CLTCL1: variants seen among roughly 807,000 people sequenced by gnomAD.
CLTCL1 encodes the protein clathrin heavy chain like 1.
In CLTCL1, 159 loss-of-function variants were observed where a neutral mutation model predicts 190.0. The observed-to-expected ratio is 0.84, with a 90% confidence interval of 0.74 to 0.95. CLTCL1 has a LOEUF of 0.95. CLTCL1 is among the 40% of genes least tolerant of loss of function. The probability of loss-of-function intolerance (pLI) is 0.00; values close to 1 mark genes in which losing one functional copy is unlikely to be tolerated. For missense variants in CLTCL1, 1,878 were observed against 2,033.4 expected (o/e 0.92, Z 1.47); for synonymous variants, 752 against 769.6 (o/e 0.98, Z 0.38).
chr22:19,221,340 A>C, intron 17 of CLTCL1, 37 bp downstream of exon 17: 1 of 1,483,298 alleles, frequency 6.7e-7, no homozygotes, highest in Non-Finnish European at 9.1e-7. Context: ...CTGGGAGCCC[A>C]GGGTTACATG....
At chr22:19,227,800 G>A in intron 11 of CLTCL1, among the ~76,000 whole-genome samples, 1 of 152,136 alleles carries the variant, frequency 6.6e-6, no homozygotes, top group Non-Finnish European at 1.5e-5. Flanking sequence ...GTTTGGCCGT[G>A]TTGTCCATGC....
intron 30 of CLTCL1, 71 bp from the exon 31 acceptor site, chr22:19,180,877 T>G (rs1555925555): frequency 1.4e-6 from 2 of 1,398,832 alleles, no homozygotes. Flanking sequence ...GAAAGTGGAG[T>G]GGAAGGTCAG....
intron 1 of CLTCL1, among the ~76,000 whole-genome samples, chr22:19,284,236 T>C (rs2087823283): frequency 6.6e-6 from 1 of 152,210 alleles, no homozygotes; most frequent in South Asian, 2.1e-4. Context: ...TATTTTTTCT[T>C]TCTGTATCTG....
At chr22:19,208,556 G>A (rs2085120941) in intron 21 of CLTCL1, among the ~76,000 whole-genome samples, 1 of 152,096 alleles carries the variant, frequency 6.6e-6, no homozygotes. Flanking sequence ...ACTTTGCCAG[G>A]AGACAGAATG....
At chr22:19,285,211 G>T (rs1159540470) in intron 1 of CLTCL1, among the ~76,000 whole-genome samples, 1 of 151,968 alleles carries the variant, frequency 6.6e-6, no homozygotes, top group East Asian at 1.9e-4. Flanking sequence ...GGAGGCAGAG[G>T]TTGCAGTGAG....
At chr22:19,258,976 A>C (rs1255285654) in intron 2 of CLTCL1, among the ~76,000 whole-genome samples, 3 of 152,234 alleles carry the variant, frequency 2.0e-5, no homozygotes, top group African/African-American at 7.2e-5. Context: ...TAAAAGAAAA[A>C]AAATGAATTG....
In CLTCL1 at chr22:19,275,837, A is replaced by G. The variant is rs781869805; in HGVS notation, c.43-7T>C. On this transcript the variant is annotated splice_polypyrimidine_tract_variant and splice_region_variant and intron_variant, in intron 1 of 32. Transcript: ENST00000427926. ...TAATTCCAAGGTTTTGGAGCTAAAC[A>G]GAAAAAAAGCATTTGATTAAATTTT... The G allele has an allele frequency of 1.8e-5, 29 of 1,579,088 alleles. No individual in the cohort carries two copies. The Admixed American group carries it at 4.8e-4, about 26-fold the overall frequency.
intron 2 of CLTCL1, among the ~76,000 whole-genome samples, chr22:19,274,181 G>T (rs527563096): frequency 1.3e-5 from 2 of 152,128 alleles, no homozygotes; most frequent in Non-Finnish European, 2.9e-5. Context: ...CTACAACAAG[G>T]CTGGGTACAG....
At chr22:19,273,615 A>G (rs2087396587) in intron 2 of CLTCL1, among the ~76,000 whole-genome samples, 1 of 151,934 alleles carries the variant, frequency 6.6e-6, no homozygotes, top group Non-Finnish European at 1.5e-5. Context: ...CAAAATACCA[A>G]CACGCCTCTC....
chr22:19,209,562 G>A (rs531850190), intron 20 of CLTCL1, among the ~76,000 whole-genome samples: 2 of 152,360 alleles, frequency 1.3e-5, no homozygotes, highest in Admixed American at 6.5e-5. Context: ...CTGTATAGTA[G>A]TGGAGGTGGT....
In CLTCL1 at chr22:19,239,277, G is replaced by C. The variant is rs375934500; in HGVS notation, c.793C>G (p.Gln265Glu). 4 of 1,607,736 alleles carry C rather than the reference G, an allele frequency of 2.5e-6. No homozygotes were observed. In the African/African-American group the frequency reaches 4.0e-5, roughly 16 times the overall value. The part of the protein sequence containing the change: ...EAQNDFPVAM[Q>E]IGAKHGVIYL... ...TTTAGAGAGCAGCACATTCGTACCTGCATAGCCACTGGAAAATCATTCTGT... is the reference window on the plus strand; with the variant it reads ...TTTAGAGAGCAGCACATTCGTACCTCCATAGCCACTGGAAAATCATTCTGT... Residue 265 changes from glutamine (Q) to glutamate (E), a missense_variant and splice_region_variant, in exon 5 of 33, where the codon CAG becomes GAG. Coordinates refer to ENST00000427926, the MANE Select transcript of CLTCL1 (RefSeq NM_007098.4).
chr22:19,212,608 G>A (rs983604029), intron 19 of CLTCL1, among the ~76,000 whole-genome samples: 12 of 127,972 alleles, frequency 9.4e-5, no homozygotes, highest in African/African-American at 2.8e-4. Context: ...AGAAAGGAAG[G>A]AAGGAAGGAA....
rs1555926733 is a variant in CLTCL1, at chr22:19,183,425, AG to A, written c.4791del (p.Tyr1598ThrfsTer5). 6.2e-7 allele frequency: 1 copy of A among 1,613,596 alleles called. No individual in the cohort carries two copies. The highest frequency in any genetic ancestry group is 2.2e-5 in the East Asian group (1 of 44,882). Reference sequence around the variant, plus strand: ...TACTCCCTCATCACCTGGATGAAGTAGGGCATGGCCAAGTCCACGAGGTTGT... The same window carrying A: ...TACTCCCTCATCACCTGGATGAAGTAGGCATGGCCAAGTCCACGAGGTTGT... ...WRHNLVDLAM[P>X]YFIQVMREYL... is the part of the protein sequence containing the mutation. On this transcript the variant is annotated frameshift_variant, in exon 30 of 33. Coordinates refer to ENST00000427926, the MANE Select transcript of CLTCL1 (RefSeq NM_007098.4). LOFTEE classifies it high-confidence loss of function.
intron 19 of CLTCL1, among the ~76,000 whole-genome samples, chr22:19,212,509 C>T (rs1255305941): frequency 6.7e-6 from 1 of 149,794 alleles, no homozygotes; most frequent in Non-Finnish European, 1.5e-5. Flanking sequence ...TGCAGTGAGC[C>T]GTGTTCATGC....
At position 19,187,978 on chromosome 22, in the gene CLTCL1, CACCT is replaced by C. The variant is rs1555929267; in HGVS notation, c.4433_4434+2del. 2 of 1,613,304 alleles carry C rather than the reference CACCT, an allele frequency of 1.2e-6. No homozygotes were observed. Among genetic ancestry groups the C allele is most frequent in the Non-Finnish European group, 1.7e-6 (2 of 1,179,372 alleles). On this transcript the variant is annotated splice_donor_variant and coding_sequence_variant, in exon 28 of 33. Coordinates refer to ENST00000427926, the MANE Select transcript of CLTCL1 (RefSeq NM_007098.4). LOFTEE classifies it high-confidence loss of function. ...AGGACAGGGCTCCTTCCTGCACACC[CACCT>C]GATAGTCCTCCTCCTCTGTCAGCAG...
chr22:19,234,566 G>A lies in CLTCL1; in HGVS notation c.1110C>T (p.Thr370=). The A allele has an allele frequency of 6.2e-7, 1 of 1,613,950 alleles. No homozygotes were observed. The highest frequency in any genetic ancestry group is 8.5e-7 in the Non-Finnish European group (1 of 1,179,886). ...AEKLFVRKFN[T]LFAQGSYAEA... is the part of the protein sequence containing the mutation. ...CAGCATAGCTGCCCTGTGCAAAGAGGGTATTGAATTTTCTCACAAACAACT... is the reference window on the plus strand; with the variant it reads ...CAGCATAGCTGCCCTGTGCAAAGAGAGTATTGAATTTTCTCACAAACAACT... The change falls in exon 7 of 33, where the codon ACC becomes ACT. Residue 370 remains threonine (T), a synonymous_variant. Coordinates refer to ENST00000427926, the MANE Select transcript of CLTCL1 (RefSeq NM_007098.4).
chr22:19,190,034 G>C (rs567404304), intron 27 of CLTCL1, among the ~76,000 whole-genome samples: 1 of 152,050 alleles, frequency 6.6e-6, no homozygotes, highest in Admixed American at 6.6e-5. Context: ...GCAACCTCCC[G>C]GGTTCAAGCG....
At chr22:19,219,282 T>C (rs1175890892) in intron 18 of CLTCL1, among the ~76,000 whole-genome samples, 2 of 151,170 alleles carry the variant, frequency 1.3e-5, no homozygotes, top group Non-Finnish European at 2.9e-5. Context: ...CTCCACCTCC[T>C]GGGTTCAAGC....
intron 4 of CLTCL1, among the ~76,000 whole-genome samples, chr22:19,239,655 C>T (rs2086188128): frequency 6.6e-6 from 1 of 152,266 alleles, no homozygotes; most frequent in Non-Finnish European, 1.5e-5. Context: ...CACTTCCCCT[C>T]CCCGGGCCTG....
Sources: allele counts gnomAD v4.1 joint callset (sites outside exome capture counted in the v4.1 genomes callset), GRCh38; gene constraint gnomAD v4.1.1; transcripts MANE v1.5; gene names NCBI Gene and HGNC (gene_info 2026-07-23, HGNC 2026-07-21).